The following PTPRD variants were observed in gnomAD, a reference collection of about 807,000 sequenced individuals.
PTPRD encodes the protein protein tyrosine phosphatase receptor type D.
PTPRD carries 34 observed loss-of-function variants against 214.5 expected under a neutral mutation model. The observed-to-expected ratio is 0.16, with a 90% CI of 0.12 to 0.21. The LOEUF (loss-of-function observed/expected upper bound fraction) is 0.21. Among genes scored for constraint, PTPRD ranks in the 10% least tolerant of loss-of-function variants. The pLI, the probability that PTPRD is intolerant of heterozygous loss-of-function variation, is 1.00. For missense variants in PTPRD, 2,545 were observed against 2,398.7 expected (o/e 1.06, Z -1.27); for synonymous variants, 1,128 against 845.7 (o/e 1.33, Z -5.79).
At chr9:10,398,675 G>A (rs1393499798) in intron 2 of PTPRD, among the ~76,000 whole-genome samples, 1 of 151,958 alleles carries the variant, frequency 6.6e-6, no homozygotes. Flanking sequence ...GTGTTGTTAT[G>A]AGGAGCAGAG....
At chr9:9,287,470 G>A (rs909830632) in intron 9 of PTPRD, among the ~76,000 whole-genome samples, 1 of 151,820 alleles carries the variant, frequency 6.6e-6, no homozygotes, top group South Asian at 2.1e-4. Context: ...TATCCAGCCA[G>A]ACTTCACAAG....
At chr9:9,808,950 ATTT>A (rs59065058) in intron 5 of PTPRD, among the ~76,000 whole-genome samples, 21,671 of 142,190 alleles carry the variant, frequency 0.15, 2,754 homozygotes, top group East Asian at 0.73. Flanking sequence ...TTTATTTTGT[ATTT>A]TTTTTTTTTT....
intron 3 of PTPRD, among the ~76,000 whole-genome samples, chr9:10,060,912 C>CTT (rs1308900527): frequency 9.0e-6 from 1 of 111,352 alleles, no homozygotes; most frequent in Non-Finnish European, 1.6e-5. Context: ...TTCTTTCTTT[C>CTT]TTTCTTTCTT....
intron 7 of PTPRD, among the ~76,000 whole-genome samples, chr9:9,626,408 T>A (rs1194673888): frequency 6.6e-6 from 1 of 152,180 alleles, no homozygotes; most frequent in East Asian, 1.9e-4. Flanking sequence ...TTAATAAATT[T>A]GTAGTAAAGA....
intron 3 of PTPRD, among the ~76,000 whole-genome samples, chr9:10,237,062 C>T (rs1225820421): frequency 2.0e-5 from 3 of 151,802 alleles, no homozygotes; most frequent in Non-Finnish European, 4.4e-5. Context: ...TACCAAGAGT[C>T]AACCCTAATG....
chr9:10,210,819 A>ATATATGTATGTATG (rs1554858769), intron 3 of PTPRD, among the ~76,000 whole-genome samples: 36 of 70,152 alleles, frequency 5.1e-4, no homozygotes, highest in African/African-American at 2.6e-3. Context: ...ATATATATAT[A>ATATATGTATGTATG]TATGTATGTA....
chr9:10,362,228 G>T (rs2097406048), intron 2 of PTPRD, among the ~76,000 whole-genome samples: 1 of 151,994 alleles, frequency 6.6e-6, no homozygotes, highest in African/African-American at 2.4e-5. Context: ...TACCATAACA[G>T]TAACAATTTC....
chr9:9,595,929 C>T (rs1428471672), intron 7 of PTPRD, among the ~76,000 whole-genome samples: 5 of 150,702 alleles, frequency 3.3e-5, no homozygotes, highest in East Asian at 1.9e-4. Context: ...CACTTCTTCC[C>T]GAATAACCTA....
chr9:10,416,235 G>A (rs983411767), intron 2 of PTPRD, among the ~76,000 whole-genome samples: 1 of 151,736 alleles, frequency 6.6e-6, no homozygotes, highest in African/African-American at 2.4e-5. Flanking sequence ...GCATGTGCCT[G>A]TAGTCCCAGC....
intron 11 of PTPRD, among the ~76,000 whole-genome samples, chr9:8,863,034 T>C (rs1198061213): frequency 6.6e-6 from 1 of 152,180 alleles, no homozygotes; most frequent in East Asian, 1.9e-4. Context: ...ACCTGCACAA[T>C]GTGTACATGT....
Position 9,484,896 on chromosome 9 carries a change from A to G in PTPRD, c.-236-87414T>C, listed in dbSNP as rs953754280. Among the ~76,000 whole-genome samples the G allele has an allele frequency of 2.6e-5, 4 of 152,206 alleles. No homozygotes were observed. The East Asian group carries it at 7.7e-4, about 29-fold the overall frequency. ...AACAGTAAACAATAGGCTTCTACAG[A>G]GAAAATGAGTTATTAGAAGCATCAA... On this transcript the variant is annotated intron_variant, in intron 8 of 45. Transcript: ENST00000381196.
intron 34 of PTPRD, among the ~76,000 whole-genome samples, chr9:8,438,983 C>A (rs1169344214): frequency 6.6e-6 from 1 of 152,088 alleles, no homozygotes; most frequent in Non-Finnish European, 1.5e-5. Context: ...AAAATTCAAG[C>A]AGACCTACAT....
At chr9:9,274,753 G>T (rs1944311246) in intron 9 of PTPRD, among the ~76,000 whole-genome samples, 1 of 150,712 alleles carries the variant, frequency 6.6e-6, no homozygotes, top group Non-Finnish European at 1.5e-5. Flanking sequence ...GCTGACTTAA[G>T]ACACACAGAA....
At chr9:9,139,541 C>T (rs1239705147) in intron 10 of PTPRD, among the ~76,000 whole-genome samples, 1 of 152,030 alleles carries the variant, frequency 6.6e-6, no homozygotes, top group Non-Finnish European at 1.5e-5. Flanking sequence ...CTCTGTGATA[C>T]CGCGACAGTC....
At chr9:9,008,613 T>G (rs1278424370) in intron 11 of PTPRD, among the ~76,000 whole-genome samples, 1 of 152,130 alleles carries the variant, frequency 6.6e-6, no homozygotes. Flanking sequence ...TTTGTACCTA[T>G]TATGCTGCTG....
At chr9:9,241,519 G>C (rs1233267004) in intron 9 of PTPRD, among the ~76,000 whole-genome samples, 1 of 152,088 alleles carries the variant, frequency 6.6e-6, no homozygotes, top group Non-Finnish European at 1.5e-5. Context: ...AGGCAAGAAA[G>C]CGCACCTTGG....
chr9:9,899,147 C>A (rs988081215), intron 5 of PTPRD, among the ~76,000 whole-genome samples: 2 of 151,846 alleles, frequency 1.3e-5, no homozygotes, highest in Non-Finnish European at 2.9e-5. Flanking sequence ...CTATAGTATA[C>A]CCCAAGAAGA....
chr9:9,271,426 A>T (rs1205620878), intron 9 of PTPRD, among the ~76,000 whole-genome samples: 2 of 151,336 alleles, frequency 1.3e-5, no homozygotes, highest in Non-Finnish European at 3.0e-5. Context: ...CCCCCATTTC[A>T]TTCCTGTTAT....
intron 3 of PTPRD, among the ~76,000 whole-genome samples, chr9:10,141,585 C>T (rs975832105): frequency 1.2e-4 from 18 of 151,982 alleles, no homozygotes; most frequent in Non-Finnish European, 2.5e-4. Flanking sequence ...CAAACCACTG[C>T]TCAACGAAAT....
Sources: gnomAD v4.1 joint callset for allele counts (sites outside exome capture counted in the v4.1 genomes callset) on GRCh38, gnomAD v4.1.1 for gene constraint, MANE v1.5 for transcripts, NCBI Gene and HGNC (gene_info 2026-07-23, HGNC 2026-07-21) for gene names.